The following AGBL4 variants were observed in gnomAD, a reference collection of about 807,000 sequenced individuals.
AGBL4 encodes the protein cytosolic carboxypeptidase 6.
A neutral mutation model predicts 66.4 loss-of-function variants in AGBL4; 58 were observed. The observed-to-expected ratio is 0.87, with a 90% confidence interval of 0.71 to 1.09. AGBL4 has a LOEUF of 1.09. Ranked by LOEUF, AGBL4 falls within the 50% of genes least tolerant of loss-of-function variation. The pLI, the probability that AGBL4 is intolerant of heterozygous loss-of-function variation, is 0.00. For synonymous variants in AGBL4, 234 were observed against 222.9 expected (o/e 1.05, Z -0.44); for missense variants, 579 against 631.0 (o/e 0.92, Z 0.88).
chr1:49,855,039 T>C (rs930040831), intron 1 of AGBL4, among the ~76,000 whole-genome samples: 18 of 152,142 alleles, frequency 1.2e-4, no homozygotes, highest in African/African-American at 4.1e-4. Context: ...TTGCCATAAT[T>C]GTAAGTTTCC....
chr1:49,930,400 C>T (rs1012954594), intron 1 of AGBL4, among the ~76,000 whole-genome samples: 1 of 151,918 alleles, frequency 6.6e-6, no homozygotes, highest in African/African-American at 2.4e-5. Flanking sequence ...ATAACACCAA[C>T]TCTACACAAA....
Position 49,859,187 on chromosome 1 carries a change from G to C in AGBL4, c.35-7669C>G, listed in dbSNP as rs150411129. Among the ~76,000 whole-genome samples, 538 of 152,186 alleles carry C rather than the reference G, an allele frequency of 3.5e-3. 7 individuals are homozygous for C. The highest frequency in any genetic ancestry group is 9.4e-4 in the Non-Finnish European group (64 of 67,994). ...GGTTAACATCCCTAAAAGCCACTGG[G>C]CATTATTAAGAGGATAATGAGAGAA... On this transcript the variant is annotated intron_variant, in intron 1 of 13. Coordinates refer to ENST00000371839, the MANE Select transcript of AGBL4 (RefSeq NM_032785.4).
chr1:49,310,488 A>C (rs1350607782), intron 3 of AGBL4, among the ~76,000 whole-genome samples: 1 of 152,128 alleles, frequency 6.6e-6, no homozygotes, highest in Non-Finnish European at 1.5e-5. Context: ...AAGAACTTAA[A>C]ATATAAAAGA....
At chr1:48,836,295 CAAAA>C (rs33961883) in intron 6 of AGBL4, among the ~76,000 whole-genome samples, 1 of 100,658 alleles carries the variant, frequency 9.9e-6, no homozygotes, top group Admixed American at 1.1e-4. Context: ...TAAGTTTCCT[CAAAA>C]AAAAAAAAAA....
At chr1:48,712,553 G>A (rs913756478) in intron 6 of AGBL4, among the ~76,000 whole-genome samples, 2 of 152,060 alleles carry the variant, frequency 1.3e-5, no homozygotes, top group Admixed American at 6.6e-5. Context: ...TGTTCTGTGT[G>A]CTTTATATAT....
chr1:49,829,200 C>CGGATGGATGAATGGAT (rs1645591646), intron 2 of AGBL4, among the ~76,000 whole-genome samples: 1 of 151,804 alleles, frequency 6.6e-6, no homozygotes, highest in Non-Finnish European at 1.5e-5. Flanking sequence ...TCTTAATGGA[C>CGGATGGATGAATGGAT]GGATGGATGA....
rs1046978626 is a variant in AGBL4 at position 49,491,973 on chromosome 1, A to C, written c.282+205340T>G. On this transcript the variant is annotated intron_variant, in intron 3 of 13. Transcript: ENST00000371839. ...GCACAGTTTGAGATTAACAGCAATA[A>C]CTAATAATAAAATAGAATAATTATA... Among the ~76,000 whole-genome samples the C allele has an allele frequency of 3.4e-4, 51 of 151,922 alleles. 2 individuals are homozygous for C. Among genetic ancestry groups the C allele is most frequent in the Admixed American group, 2.0e-3 (30 of 15,230 alleles).
At chr1:49,872,119 G>C (rs191114319) in intron 1 of AGBL4, among the ~76,000 whole-genome samples, 1 of 152,034 alleles carries the variant, frequency 6.6e-6, no homozygotes, top group Admixed American at 6.6e-5. Context: ...TTTGTTTATA[G>C]TATTTGCTAA....
At position 49,333,846 on chromosome 1, in the gene AGBL4, C is replaced by T. The variant is rs1645382599; in HGVS notation, c.283-87982G>A. Among the ~76,000 whole-genome samples the T allele has an allele frequency of 2.0e-5, 3 of 152,186 alleles. No individual in the cohort carries two copies. In the South Asian group the frequency reaches 6.2e-4, roughly 32 times the overall value. On this transcript the variant is annotated intron_variant, in intron 3 of 13. Transcript: ENST00000371839. ...AAACTCAATCCAACTGGAAAAATACCACTATTTAAATTTGTGGGACTTCCA... is the reference window on the plus strand; with the variant it reads ...AAACTCAATCCAACTGGAAAAATACTACTATTTAAATTTGTGGGACTTCCA...
At chr1:49,925,616 T>C (rs942336416) in intron 1 of AGBL4, among the ~76,000 whole-genome samples, 2 of 152,194 alleles carry the variant, frequency 1.3e-5, no homozygotes, top group African/African-American at 4.8e-5. Flanking sequence ...ACAGCATCTC[T>C]GGACATGCCC....
At chr1:49,506,201 G>A (rs1648669581) in intron 3 of AGBL4, among the ~76,000 whole-genome samples, 1 of 151,886 alleles carries the variant, frequency 6.6e-6, no homozygotes, top group African/African-American at 2.4e-5. Context: ...GGGCTAGGCA[G>A]CAAACCAAGG....
intron 5 of AGBL4, among the ~76,000 whole-genome samples, chr1:48,891,351 A>C (rs916594890): frequency 1.3e-5 from 2 of 152,166 alleles, no homozygotes; most frequent in Non-Finnish European, 2.9e-5. Context: ...CAAGGAACAG[A>C]AACAACAGAG....
chr1:49,797,427 A>G (rs1644757490), intron 2 of AGBL4, among the ~76,000 whole-genome samples: 1 of 152,122 alleles, frequency 6.6e-6, no homozygotes, highest in Non-Finnish European at 1.5e-5. Context: ...TAAAATGGTA[A>G]GTCTATATTT....
At chr1:48,831,911 A>C (rs1413209332) in intron 6 of AGBL4, among the ~76,000 whole-genome samples, 1 of 152,206 alleles carries the variant, frequency 6.6e-6, no homozygotes, top group African/African-American at 2.4e-5. Context: ...GAGTGGGGAC[A>C]AGTGGAGGGA....
intron 3 of AGBL4, among the ~76,000 whole-genome samples, chr1:49,325,215 C>T (rs1379536502): frequency 6.6e-6 from 1 of 152,108 alleles, no homozygotes; most frequent in Non-Finnish European, 1.5e-5. Flanking sequence ...TTGGTAGAGA[C>T]GGGTTTTCAC....
rs1662637591 is a variant in AGBL4 at position 50,023,869 on chromosome 1, G to C, written c.-73C>G. On this transcript the variant is annotated 5_prime_UTR_variant, in exon 1 of 14. Coordinates refer to ENST00000371839, the MANE Select transcript of AGBL4 (RefSeq NM_032785.4). ...TAGGGAGCGGGTGGTGGGATCAGTG[G>C]GCTGACAGGAGCTACCTCAGGAAGA... 3.3e-6 allele frequency: 5 copies of C among 1,493,370 alleles called. No individual in the cohort carries two copies. Among genetic ancestry groups the C allele is most frequent in the East Asian group, 5.4e-5 (2 of 37,208 alleles). The allele number at this position is 1,493,370 out of a possible 1,614,324, so 92.5% of individuals were successfully genotyped here.
intron 3 of AGBL4, among the ~76,000 whole-genome samples, chr1:49,634,382 A>C (rs1244800866): frequency 6.6e-6 from 1 of 152,170 alleles, no homozygotes; most frequent in Non-Finnish European, 1.5e-5. Flanking sequence ...GTCCCTGCAA[A>C]GGAAATGAAC....
chr1:49,318,485 A>G (rs1645078084), intron 3 of AGBL4, among the ~76,000 whole-genome samples: 1 of 151,972 alleles, frequency 6.6e-6, no homozygotes, highest in Non-Finnish European at 1.5e-5. Flanking sequence ...TATTCTAAAC[A>G]CTTTATACAT....
intron 6 of AGBL4, among the ~76,000 whole-genome samples, chr1:48,846,571 C>T (rs1228602248): frequency 6.6e-6 from 1 of 152,164 alleles, no homozygotes; most frequent in Non-Finnish European, 1.5e-5. Flanking sequence ...CATTTAACTA[C>T]CATTTATTTA....
Sources: allele counts gnomAD v4.1 joint callset (sites outside exome capture counted in the v4.1 genomes callset), GRCh38; gene constraint gnomAD v4.1.1; transcripts MANE v1.5; gene names NCBI Gene and HGNC (gene_info 2026-07-23, HGNC 2026-07-21).